SLC9B1: variants seen among roughly 807,000 people sequenced by gnomAD.
SLC9B1 encodes the protein solute carrier family 9 member B1, also known as sodium/hydrogen exchanger 9B1.
In SLC9B1, 32 loss-of-function variants were observed where a neutral mutation model predicts 51.7. The observed-to-expected ratio is 0.62, with a 90% CI of 0.47 to 0.83. The LOEUF is 0.83. Ranked by LOEUF, SLC9B1 falls within the 40% of genes least tolerant of loss-of-function variation. The pLI, the probability that SLC9B1 is intolerant of heterozygous loss-of-function variation, is 0.00. For missense variants in SLC9B1, 406 were observed against 613.2 expected (o/e 0.66, Z 3.57); for synonymous variants, 145 against 212.7 (o/e 0.68, Z 2.77).
chr4:102,890,145 A>C (rs1734164907), intron 11 of SLC9B1: 1 of 152,194 alleles, frequency 6.6e-6, no homozygotes, highest in Admixed American at 6.5e-5. Context: ...AAGCAAGTTG[A>C]ATTATGGAAA....
chr4:102,983,595 C>G (rs1159951573), intron 3 of SLC9B1, among the ~76,000 whole-genome samples: 1 of 152,132 alleles, frequency 6.6e-6, no homozygotes, highest in Non-Finnish European at 1.5e-5. Flanking sequence ...TCCACTTCCT[C>G]TTCTGAGTTT....
intron 6 of SLC9B1, 57 bp from the exon 7 acceptor site, chr4:102,932,356 A>T: frequency 7.0e-7 from 1 of 1,437,470 alleles, no homozygotes; most frequent in Non-Finnish European, 9.6e-7. Flanking sequence ...GTAGTGTTTT[A>T]TAAGTACAAG....
At chr4:102,886,563 T>C (rs223313) in intron 11 of SLC9B1, among the ~76,000 whole-genome samples, 86,845 of 152,090 alleles carry the variant, frequency 0.57, 25,973 homozygotes, top group African/African-American at 0.76. Flanking sequence ...ATTATTATTA[T>C]GTGTATCTGG....
chr4:102,950,344 G>A (rs1737484465), intron 3 of SLC9B1, among the ~76,000 whole-genome samples: 2 of 152,190 alleles, frequency 1.3e-5, no homozygotes, highest in South Asian at 2.1e-4. Context: ...TAGATAAGAT[G>A]AGTAGGTATA....
At chr4:102,892,110 G>A (rs1305910921) in intron 11 of SLC9B1, 1 of 152,212 alleles carries the variant, frequency 6.6e-6, no homozygotes, top group Non-Finnish European at 1.5e-5. Context: ...CCAGGCTGGA[G>A]TGCGGGGGCA....
At chr4:102,982,823 C>T (rs1739427764) in intron 3 of SLC9B1, among the ~76,000 whole-genome samples, 1 of 152,078 alleles carries the variant, frequency 6.6e-6, no homozygotes, top group Non-Finnish European at 1.5e-5. Context: ...ATCATCTTAT[C>T]TGTAAACAAA....
chr4:102,995,637 A>G (rs1740174674), intron 1 of SLC9B1, among the ~76,000 whole-genome samples: 1 of 152,186 alleles, frequency 6.6e-6, no homozygotes, highest in Admixed American at 6.5e-5. Context: ...GCAGTCACTC[A>G]ATACCCTCTT....
chr4:102,895,552 A>C (rs1353700517), intron 11 of SLC9B1, among the ~76,000 whole-genome samples: 1 of 152,240 alleles, frequency 6.6e-6, no homozygotes, highest in Non-Finnish European at 1.5e-5. Flanking sequence ...GAAAACTACC[A>C]AATTCCATGT....
At chr4:102,888,256 C>G (rs1734041535) in intron 11 of SLC9B1, 4 of 152,204 alleles carry the variant, frequency 2.6e-5, no homozygotes, top group Admixed American at 2.6e-4. Context: ...CTTTTTAACA[C>G]TATAAACCAT....
chr4:102,960,946 G>T (rs1418460082), intron 3 of SLC9B1, among the ~76,000 whole-genome samples: 3 of 151,916 alleles, frequency 2.0e-5, no homozygotes, highest in Non-Finnish European at 4.4e-5. Flanking sequence ...TGGTCAGGCT[G>T]CTCTTGAACT....
chr4:103,000,267 G>A (rs922306464), intron 1 of SLC9B1, among the ~76,000 whole-genome samples: 1 of 152,122 alleles, frequency 6.6e-6, no homozygotes, highest in African/African-American at 2.4e-5. Context: ...CATCAATCAT[G>A]CCTTCCCAAC....
At chr4:102,975,117 T>C (rs1358278353) in intron 3 of SLC9B1, among the ~76,000 whole-genome samples, 1 of 152,216 alleles carries the variant, frequency 6.6e-6, no homozygotes, top group Non-Finnish European at 1.5e-5. Flanking sequence ...ACCCTCTGCC[T>C]TAGCCTCCTG....
At chr4:102,917,402 T>G (rs1735629660) in intron 7 of SLC9B1, among the ~76,000 whole-genome samples, 1 of 151,678 alleles carries the variant, frequency 6.6e-6, no homozygotes, top group Non-Finnish European at 1.5e-5. Context: ...TTCATATATA[T>G]GTAAATATAT....
intron 11 of SLC9B1, among the ~76,000 whole-genome samples, chr4:102,886,807 G>A (rs1733947960): frequency 6.6e-6 from 1 of 152,132 alleles, no homozygotes; most frequent in Non-Finnish European, 1.5e-5. Flanking sequence ...TAGAGATGGC[G>A]TTTTACCATG....
At chr4:102,958,417 C>A (rs184726742) in intron 3 of SLC9B1, among the ~76,000 whole-genome samples, 77 of 152,318 alleles carry the variant, frequency 5.1e-4, no homozygotes, top group African/African-American at 1.8e-3. Flanking sequence ...GGCAATTAAA[C>A]CACTTATAAA....
intron 1 of SLC9B1, among the ~76,000 whole-genome samples, chr4:103,010,192 A>G (rs571254997): frequency 1.1e-4 from 17 of 152,134 alleles, no homozygotes; most frequent in African/African-American, 4.1e-4. Flanking sequence ...ATAATGAAAA[A>G]AATTTCTTTC....
intron 7 of SLC9B1, among the ~76,000 whole-genome samples, chr4:102,921,781 C>T (rs1239964788): frequency 3.3e-5 from 5 of 152,118 alleles, no homozygotes; most frequent in Non-Finnish European, 7.4e-5. Flanking sequence ...ATAAAACAGA[C>T]TTTAAACCAA....
intron 10 of SLC9B1, 72 bp from the exon 11 acceptor site, chr4:102,905,722 AT>A (rs934977347): frequency 6.2e-6 from 9 of 1,458,702 alleles, no homozygotes; most frequent in African/African-American, 1.4e-5. Flanking sequence ...CAGGAATATG[AT>A]TTCTAAAACT....
At chr4:102,955,130 C>T (rs6829718) in intron 3 of SLC9B1, among the ~76,000 whole-genome samples, 87,293 of 152,000 alleles carry the variant, frequency 0.57, 26,342 homozygotes, top group African/African-American at 0.78. Flanking sequence ...TGTACTCCCA[C>T]AATTCCCACG....
Sources: gnomAD v4.1 joint callset for allele counts (sites outside exome capture counted in the v4.1 genomes callset) on GRCh38, gnomAD v4.1.1 for gene constraint, MANE v1.5 for transcripts, NCBI Gene and HGNC (gene_info 2026-07-23, HGNC 2026-07-21) for gene names.